The following ELMOD2 variants were observed in gnomAD, a reference collection of about 807,000 sequenced individuals.
ELMOD2 encodes the protein ELMO domain-containing protein 2.
A neutral mutation model predicts 41.0 loss-of-function variants in ELMOD2; 28 were observed. The observed-to-expected ratio is 0.68, with a 90% confidence interval of 0.51 to 0.94. ELMOD2 has a LOEUF of 0.94. Among genes scored for constraint, ELMOD2 ranks in the 40% least tolerant of loss-of-function variants. The probability of loss-of-function intolerance (pLI) is 0.00; values close to 1 mark genes in which losing one functional copy is unlikely to be tolerated. For missense variants in ELMOD2, 333 were observed against 343.1 expected (o/e 0.97, Z 0.23); for synonymous variants, 106 against 107.2 (o/e 0.99, Z 0.07).
intron 3 of ELMOD2, among the ~76,000 whole-genome samples, chr4:140,532,587 C>T (rs1347171621): frequency 2.6e-5 from 4 of 152,134 alleles, no homozygotes; most frequent in African/African-American, 7.2e-5. Context: ...AGTACCAATT[C>T]ATGATTAAAA....
At chr4:140,531,347 G>A (rs1010435936) in intron 3 of ELMOD2, among the ~76,000 whole-genome samples, 1 of 152,124 alleles carries the variant, frequency 6.6e-6, no homozygotes, top group African/African-American at 2.4e-5. Flanking sequence ...GATATTAAGG[G>A]TTAACAAACT....
At chr4:140,530,004 G>GA (rs1389096049) in intron 3 of ELMOD2, among the ~76,000 whole-genome samples, 66 of 152,218 alleles carry the variant, frequency 4.3e-4, no homozygotes, top group African/African-American at 1.5e-3. Context: ...ATGTGATAAG[G>GA]CTCTGAATAT....
At chr4:140,535,870 A>G in intron 4 of ELMOD2, 40 bp downstream of exon 4, 1 of 1,555,800 alleles carries the variant, frequency 6.4e-7, no homozygotes, top group East Asian at 2.3e-5. Context: ...TTATGCATTT[A>G]TAGCCTGTGA....
chr4:140,532,179 T>A (rs1345293892), intron 3 of ELMOD2, among the ~76,000 whole-genome samples: 1 of 151,730 alleles, frequency 6.6e-6, no homozygotes, highest in Non-Finnish European at 1.5e-5. Context: ...TTTTTTTTTT[T>A]TTTGATACAG....
In ELMOD2 at chr4:140,539,380, G is replaced by A. The variant is rs186257915; in HGVS notation, c.400-788G>A. 3.4e-4 allele frequency among the ~76,000 whole-genome samples: 47 copies of A among 139,930 alleles called. No homozygotes were observed. In the East Asian group the frequency reaches 6.5e-3, roughly 19 times the overall value. The allele number at this position is 139,930 out of a possible 152,430, so 91.8% of individuals were successfully genotyped here. On this transcript the variant is annotated intron_variant, in intron 5 of 8. Transcript: ENST00000323570. ...GTTTGTTTTTTTTTTTTTCCTTTTT[G>A]AGATGGAGTCTTGCTCTGTCGCCCA...
At chr4:140,535,895 A>G (rs1159309428) in intron 4 of ELMOD2, 65 bp downstream of exon 4, 2 of 1,414,418 alleles carry the variant, frequency 1.4e-6, no homozygotes, top group South Asian at 1.3e-5. Flanking sequence ...TCAATATCAC[A>G]CACTGTTGTA....
intron 3 of ELMOD2, among the ~76,000 whole-genome samples, chr4:140,533,489 C>A (rs540805694): frequency 6.6e-6 from 1 of 152,216 alleles, no homozygotes; most frequent in Admixed American, 6.5e-5. Flanking sequence ...CAATCTCTTA[C>A]CATACATGAA....
intron 3 of ELMOD2, among the ~76,000 whole-genome samples, chr4:140,534,579 A>G (rs984656116): frequency 1.3e-5 from 2 of 152,182 alleles, no homozygotes; most frequent in African/African-American, 4.8e-5. Context: ...ATATACAGGA[A>G]AGAGTATTTG....
rs537170497 is a variant in ELMOD2 at position 140,531,734 on chromosome 4, A to T, written c.172-3999A>T. On this transcript the variant is annotated intron_variant, in intron 3 of 8. Transcript: ENST00000323570. ...TAGTCATTCAAAGTATAATAAGGGG[A>T]TTCTATGAACAACTTTATGCCAGTA... Among the ~76,000 whole-genome samples, 4 of 152,306 alleles carry T rather than the reference A, an allele frequency of 2.6e-5. No homozygotes were observed. The East Asian group carries it at 7.7e-4, about 29-fold the overall frequency.
intron 8 of ELMOD2, among the ~76,000 whole-genome samples, chr4:140,549,057 C>CA (rs200119786): frequency 2.0e-5 from 2 of 97,626 alleles, no homozygotes; most frequent in East Asian, 5.8e-4. Flanking sequence ...TCTTGCTCCT[C>CA]CCCCCACCAT....
In ELMOD2 at chr4:140,553,274, G is replaced by C. The variant is rs960655838; in HGVS notation, c.*2899G>C. 3 of 152,082 alleles carry C rather than the reference G, an allele frequency of 2.0e-5. No individual in the cohort carries two copies. Among genetic ancestry groups the C allele is most frequent in the African/African-American group, 7.2e-5 (3 of 41,424 alleles). 9.4% of individuals were successfully genotyped at this position (152,082 alleles called of 1,614,324 possible). A position where few individuals can be genotyped will look rare whatever the true frequency, so the allele number is the denominator to read the frequency against. ...ATGATCATGGCACAGAAGATAGGAG[G>C]TTTGACTTGGTGGGCCATAATGTTT... On this transcript the variant is annotated 3_prime_UTR_variant, in exon 9 of 9. Coordinates refer to ENST00000323570, the MANE Select transcript of ELMOD2 (RefSeq NM_153702.4).
rs1382734356 is a variant in ELMOD2 at position 140,551,827 on chromosome 4, C to T, written c.*1452C>T. The T allele has an allele frequency of 1.3e-5, 2 of 151,974 alleles. No homozygotes were observed. Among genetic ancestry groups the T allele is most frequent in the African/African-American group, 4.8e-5 (2 of 41,392 alleles). 9.4% of individuals were successfully genotyped at this position (151,974 alleles called of 1,614,324 possible). A position where few individuals can be genotyped will look rare whatever the true frequency, so the allele number is the denominator to read the frequency against. On this transcript the variant is annotated 3_prime_UTR_variant, in exon 9 of 9. Coordinates refer to ENST00000323570, the MANE Select transcript of ELMOD2 (RefSeq NM_153702.4). The stretch of plus-strand genomic sequence containing the variant: ...CAAACTTGTTAGAAGAGTGGTAAGA[C>T]ATATCCAATTGGAAAATAAGATGCA...
At chr4:140,536,933 A>G (rs1159440173) in intron 4 of ELMOD2, among the ~76,000 whole-genome samples, 1 of 152,182 alleles carries the variant, frequency 6.6e-6, no homozygotes, top group East Asian at 1.9e-4. Flanking sequence ...GAGGCAGGTC[A>G]GAACTTGGAG....
rs150111759 is a variant in ELMOD2, at chr4:140,526,019, A to G, written c.142+449A>G. Among the ~76,000 whole-genome samples the G allele has an allele frequency of 1.3e-4, 20 of 152,368 alleles. 2 individuals are homozygous for G. Among genetic ancestry groups the G allele is most frequent in the African/African-American group, 4.3e-4 (18 of 41,594 alleles). ...TATCCAGTGGTCTCTAGGAAAGATT[A>G]TTAGACTCATTCTCACTGTCCAATA... is the stretch of plus-strand genomic sequence containing the variant. On this transcript the variant is annotated intron_variant, in intron 2 of 8. Transcript: ENST00000323570.
chr4:140,543,304 C>A, intron 7 of ELMOD2, 149 bp from the exon 8 acceptor site: 1 of 775,736 alleles, frequency 1.3e-6, no homozygotes, highest in Non-Finnish European at 1.9e-6. Context: ...TAAATTCTTT[C>A]TAGTATATTT....
chr4:140,537,579 C>T (rs1014435218), intron 5 of ELMOD2, 38 bp downstream of exon 5: 3 of 1,588,174 alleles, frequency 1.9e-6, no homozygotes, highest in Non-Finnish European at 2.6e-6. Context: ...TTGTTGAACG[C>T]TAGAAAAATA....
rs758356419 is a variant in ELMOD2, at chr4:140,535,133, TTCTTTCTCTCTC to T, written c.172-596_172-585del. ...TTTACTTTTCTCTGGGGAAATCTGT[TTCTTTCTCTCTC>T]TCTCTCTCTCTCTCTCTCTCTCTCT... On this transcript the variant is annotated intron_variant, in intron 3 of 8. Coordinates refer to ENST00000323570, the MANE Select transcript of ELMOD2 (RefSeq NM_153702.4). Among the ~76,000 whole-genome samples, 17 of 74,400 alleles carry T rather than the reference TTCTTTCTCTCTC, an allele frequency of 2.3e-4. 1 individual carries two copies. The highest frequency in any genetic ancestry group is 8.6e-4 in the Admixed American group (4 of 4,638). The allele number at this position is 74,400 out of a possible 152,430, so 48.8% of individuals were successfully genotyped here.
At chr4:140,538,890 A>G (rs1735017026) in intron 5 of ELMOD2, among the ~76,000 whole-genome samples, 1 of 152,264 alleles carries the variant, frequency 6.6e-6, no homozygotes, top group South Asian at 2.1e-4. Context: ...TTCAATATTC[A>G]TGCATATTAA....
At chr4:140,546,036 CAT>C (rs200580547) in intron 8 of ELMOD2, among the ~76,000 whole-genome samples, 30,302 of 152,046 alleles carry the variant, frequency 0.2, 3,094 homozygotes, top group Admixed American at 0.27. Flanking sequence ...CACATGCACA[CAT>C]ATGTTTATTG....
Sources: allele counts gnomAD v4.1 joint callset (sites outside exome capture counted in the v4.1 genomes callset), GRCh38; gene constraint gnomAD v4.1.1; transcripts MANE v1.5; gene names NCBI Gene and HGNC (gene_info 2026-07-23, HGNC 2026-07-21).